Variants in DNAH9 observed in about 807,000 individuals in gnomAD.
DNAH9 encodes DNAH9 variant protein.
A neutral mutation model predicts 471.6 loss-of-function variants in DNAH9; 345 were observed. The ratio of observed to expected loss-of-function variants is 0.73; its 90% CI spans 0.67 to 0.80. The LOEUF is 0.80. Among genes scored for constraint, DNAH9 ranks in the 30% least tolerant of loss-of-function variants. The probability of loss-of-function intolerance (pLI) is 0.00; values close to 1 mark genes in which losing one functional copy is unlikely to be tolerated. For missense variants in DNAH9, 5,407 were observed against 5,609.2 expected (o/e 0.96, Z 1.15); for synonymous variants, 2,093 against 2,123.6 (o/e 0.99, Z 0.40).
chr17:11,673,582 A>G (rs1373876673), intron 17 of DNAH9, among the ~76,000 whole-genome samples: 1 of 149,426 alleles, frequency 6.7e-6, no homozygotes, highest in Non-Finnish European at 1.5e-5. Context: ...AAAATTTCTC[A>G]AAAGATGTGT....
Position 11,696,369 on chromosome 17 carries a change from C to T in DNAH9, c.4872+1922C>T, listed in dbSNP as rs573429540. ...ATGGATTGATATACCACAGTTTGGC[C>T]ATAGGTTATTTATTATATTTTGTAA... On this transcript the variant is annotated intron_variant, in intron 22 of 68. Transcript: ENST00000262442. Among the ~76,000 whole-genome samples, 34 of 152,120 alleles carry T rather than the reference C, an allele frequency of 2.2e-4. No homozygotes were observed. In the South Asian group the frequency reaches 6.8e-3, roughly 31 times the overall value.
chr17:11,649,207 G>T (rs1257152328), intron 12 of DNAH9, among the ~76,000 whole-genome samples: 1 of 151,806 alleles, frequency 6.6e-6, no homozygotes, highest in Non-Finnish European at 1.5e-5. Flanking sequence ...TGCCCCTCTG[G>T]GGACAGGATA....
intron 35 of DNAH9, among the ~76,000 whole-genome samples, chr17:11,762,765 T>TTTTGTTTTG (rs1435526161): frequency 1.1e-5 from 1 of 94,580 alleles, no homozygotes; most frequent in Admixed American, 1.2e-4. Context: ...TGCGTTTTTT[T>TTTTGTTTTG]TTTTGTTTTT....
At chr17:11,713,279 G>A (rs926615946) in intron 26 of DNAH9, among the ~76,000 whole-genome samples, 6 of 151,948 alleles carry the variant, frequency 3.9e-5, no homozygotes, top group African/African-American at 9.7e-5. Flanking sequence ...TATACGTACC[G>A]TATTTTCTTT....
At position 11,699,777 on chromosome 17, in the gene DNAH9, G is replaced by A. The variant is rs148112724; in HGVS notation, c.4919G>A (p.Arg1640Gln). The A allele has an allele frequency of 2.4e-5, 38 of 1,614,152 alleles. No homozygotes were observed. Among genetic ancestry groups the A allele is most frequent in the Admixed American group, 1.5e-4 (9 of 60,012 alleles). Residue 1640 changes from arginine (R) to glutamine (Q), a missense_variant, in exon 23 of 69, where the codon CGA becomes CAA. Coordinates refer to ENST00000262442, the MANE Select transcript of DNAH9 (RefSeq NM_001372.4). ...SKLFDNMAKM[R>Q]FQLDASGEPT... is the part of the protein sequence containing the mutation. Reference sequence around the variant, plus strand: ...CTCTTTGACAACATGGCCAAGATGCGATTCCAGCTAGATGCCAGTGGGGAA... The same window carrying A: ...CTCTTTGACAACATGGCCAAGATGCAATTCCAGCTAGATGCCAGTGGGGAA...
At position 11,822,332 on chromosome 17, in the gene DNAH9, G is replaced by A. The variant is rs1255190239; in HGVS notation, c.8851-106G>A. The A allele has an allele frequency of 1.1e-5, 15 of 1,340,642 alleles. No individual in the cohort carries two copies. In the Admixed American group the frequency reaches 2.6e-4, roughly 24 times the overall value. 83.0% of individuals were successfully genotyped at this position (1,340,642 alleles called of 1,614,324 possible). On this transcript the variant is annotated intron_variant, in intron 46 of 68. Transcript: ENST00000262442. ...TTTACAGATATTATCTCTGTTGGAT[G>A]TGCTTCCCAATCTTCTGGGAGCTAG...
intron 3 of DNAH9, 78 bp from the exon 4 acceptor site, chr17:11,611,572 G>C: frequency 1.4e-6 from 2 of 1,428,686 alleles, no homozygotes; most frequent in Non-Finnish European, 1.9e-6. Flanking sequence ...CTCTCTTTCT[G>C]TGTGACGATG....
chr17:11,668,476 C>T (rs1011673131), intron 15 of DNAH9, among the ~76,000 whole-genome samples: 2 of 152,034 alleles, frequency 1.3e-5, no homozygotes, highest in Non-Finnish European at 2.9e-5. Context: ...ACCAGCCTGG[C>T]CAGTGTGGTG....
chr17:11,780,263 A>C (rs1339500017), intron 38 of DNAH9, among the ~76,000 whole-genome samples: 1 of 152,212 alleles, frequency 6.6e-6, no homozygotes, highest in Non-Finnish European at 1.5e-5. Context: ...TGGGGAGGGC[A>C]CCGTTCATGA....
chr17:11,697,221 C>T (rs1567727772), intron 22 of DNAH9, among the ~76,000 whole-genome samples: 1 of 152,110 alleles, frequency 6.6e-6, no homozygotes, highest in Non-Finnish European at 1.5e-5. Flanking sequence ...TTCCCCACAC[C>T]CTAAGAGGTG....
intron 14 of DNAH9, among the ~76,000 whole-genome samples, chr17:11,655,275 T>C (rs1208602267): frequency 1.3e-5 from 2 of 151,970 alleles, no homozygotes; most frequent in African/African-American, 4.8e-5. Context: ...TCACTTAGAA[T>C]AATGGTCTCC....
At chr17:11,604,301 T>C (rs1455421940) in intron 1 of DNAH9, among the ~76,000 whole-genome samples, 1 of 152,182 alleles carries the variant, frequency 6.6e-6, no homozygotes, top group East Asian at 1.9e-4. Context: ...GGATTACAGG[T>C]GTGAGCCGCC....
rs548763323 is a variant in DNAH9 at position 11,807,453 on chromosome 17, C to T, written c.8421-279C>T. Among the ~76,000 whole-genome samples, 12 of 152,292 alleles carry T rather than the reference C, an allele frequency of 7.9e-5. No homozygotes were observed. In the South Asian group the frequency reaches 2.3e-3, roughly 29 times the overall value. On this transcript the variant is annotated intron_variant, in intron 43 of 68. Transcript: ENST00000262442. ...AAGCAATCCTGAGTCCCTTCCCTAT[C>T]GCATCACTCATCCCCTGCAATCCTG...
chr17:11,676,275 C>CTTTTTTTTTTT (rs67397847), intron 17 of DNAH9, among the ~76,000 whole-genome samples: 17 of 73,880 alleles, frequency 2.3e-4, no homozygotes, highest in South Asian at 4.9e-4. Context: ...CATTTCTGTT[C>CTTTTTTTTTTT]TTTTTTTTTT....
At chr17:11,648,987 C>T (rs773870837) in intron 12 of DNAH9, among the ~76,000 whole-genome samples, 3 of 151,974 alleles carry the variant, frequency 2.0e-5, no homozygotes, top group Admixed American at 1.3e-4. Flanking sequence ...ATTAGCCAGG[C>T]GTAGTGGCAC....
At chr17:11,763,414 A>G in intron 35 of DNAH9, 26 bp from the exon 36 acceptor site, 1 of 1,605,848 alleles carries the variant, frequency 6.2e-7, no homozygotes. Context: ...TCTGTGTTTC[A>G]GATCCCCTCG....
chr17:11,652,654 G>T, intron 13 of DNAH9, 107 bp from the exon 14 acceptor site: 1 of 1,082,242 alleles, frequency 9.2e-7, no homozygotes, highest in Non-Finnish European at 1.4e-6. Context: ...GTGTAGAAAA[G>T]TCTTATAACA....
At position 11,836,394 on chromosome 17, in the gene DNAH9, A is replaced by G. The variant is rs187173543; in HGVS notation, c.9507+1496A>G. 6.3e-3 allele frequency among the ~76,000 whole-genome samples: 953 copies of G among 152,284 alleles called. 8 individuals carry two copies. The highest frequency in any genetic ancestry group is 0.021 in the African/African-American group (852 of 41,548). On this transcript the variant is annotated intron_variant, in intron 49 of 68. Transcript: ENST00000262442. The stretch of plus-strand genomic sequence containing the variant: ...TGAGTGCATTTTTGTATTTTTTATG[A>G]TGTGGCATAAGGAAACCCTAAAAGT...
At chr17:11,888,140 A>G (rs1048191115) in intron 57 of DNAH9, among the ~76,000 whole-genome samples, 1 of 151,498 alleles carries the variant, frequency 6.6e-6, no homozygotes, top group Non-Finnish European at 1.5e-5. Flanking sequence ...CCACCACCGC[A>G]CCTGGCTAAT....
Sources: gnomAD v4.1 joint callset for allele counts (sites outside exome capture counted in the v4.1 genomes callset) on GRCh38, gnomAD v4.1.1 for gene constraint, MANE v1.5 for transcripts, NCBI Gene and HGNC (gene_info 2026-07-23, HGNC 2026-07-21) for gene names.